TRPM3: variants seen among roughly 807,000 people sequenced by gnomAD.
The protein encoded by TRPM3 is long transient receptor potential channel 3.
A neutral mutation model predicts 181.2 loss-of-function variants in TRPM3; 77 were observed. That is an observed-to-expected ratio of 0.42 (90% confidence interval 0.35 to 0.51). The LOEUF (loss-of-function observed/expected upper bound fraction) is 0.51. Among genes scored for constraint, TRPM3 ranks in the 20% least tolerant of loss-of-function variants. The pLI is 0.01. For missense variants in TRPM3, 1,759 were observed against 2,196.7 expected (o/e 0.80, Z 3.98); for synonymous variants, 745 against 796.4 (o/e 0.94, Z 1.09).
At chr9:70,646,731 C>T (rs193214374) in intron 9 of TRPM3, among the ~76,000 whole-genome samples, 35 of 151,732 alleles carry the variant, frequency 2.3e-4, no homozygotes, top group Admixed American at 5.3e-4. Flanking sequence ...AAAAAAAAAG[C>T]AGTGGAACTA....
intron 1 of TRPM3, among the ~76,000 whole-genome samples, chr9:71,087,765 C>T (rs2065518520): frequency 6.6e-6 from 1 of 152,096 alleles, no homozygotes; most frequent in African/African-American, 2.4e-5. Context: ...TTTAGACCAA[C>T]TCTACTGGGT....
At chr9:71,093,282 T>A (rs941320438) in intron 1 of TRPM3, among the ~76,000 whole-genome samples, 14 of 151,944 alleles carry the variant, frequency 9.2e-5, no homozygotes, top group Non-Finnish European at 1.6e-4. Context: ...GAAACTATCA[T>A]CACAGTGAAT....
rs576354044 is a variant in TRPM3 at position 70,831,744 on chromosome 9, G to GA, written c.802-3727dup. Reference sequence around the variant, plus strand: ...GGTAAATACAGTAGTATGATGGGTAGAAAAAAAAATAGAATGAATAAGACC... The same window carrying GA: ...GGTAAATACAGTAGTATGATGGGTAGAAAAAAAAAATAGAATGAATAAGACC... On this transcript the variant is annotated intron_variant, in intron 5 of 25. Coordinates refer to ENST00000677713, the MANE Select transcript of TRPM3 (RefSeq NM_001366145.2). Among the ~76,000 whole-genome samples the GA allele has an allele frequency of 1.2e-4, 18 of 147,020 alleles. No homozygotes were observed. The East Asian group carries it at 2.2e-3, about 18-fold the overall frequency.
At chr9:70,577,642 A>G (rs2054390116) in intron 22 of TRPM3, among the ~76,000 whole-genome samples, 1 of 152,240 alleles carries the variant, frequency 6.6e-6, no homozygotes, top group African/African-American at 2.4e-5. Flanking sequence ...ATTCAATATA[A>G]TCTGCTTAAG....
chr9:71,026,016 C>A (rs2097893664), intron 1 of TRPM3, among the ~76,000 whole-genome samples: 1 of 152,222 alleles, frequency 6.6e-6, no homozygotes, highest in African/African-American at 2.4e-5. Context: ...GGAATCCCAG[C>A]AGGAGGAGAC....
chr9:70,942,942 C>T (rs939255888), intron 1 of TRPM3, among the ~76,000 whole-genome samples: 1 of 152,052 alleles, frequency 6.6e-6, no homozygotes, highest in Admixed American at 6.6e-5. Flanking sequence ...TAAAGATAAA[C>T]TAATGCAACA....
intron 1 of TRPM3, among the ~76,000 whole-genome samples, chr9:71,160,340 A>G (rs2076218438): frequency 6.6e-6 from 1 of 152,090 alleles, no homozygotes; most frequent in East Asian, 1.9e-4. Context: ...GCACATCATC[A>G]TCTTCTAAAA....
chr9:71,130,265 T>G (rs2074288910), intron 1 of TRPM3, among the ~76,000 whole-genome samples: 1 of 152,194 alleles, frequency 6.6e-6, no homozygotes, highest in Non-Finnish European at 1.5e-5. Flanking sequence ...AATGTGTTTT[T>G]AAGGTAACTG....
intron 21 of TRPM3, 73 bp from the exon 22 acceptor site, chr9:70,591,278 A>C: frequency 7.5e-7 from 1 of 1,337,854 alleles, no homozygotes; most frequent in Non-Finnish European, 1.1e-6. Flanking sequence ...AATTGCTGAC[A>C]ATGATGGGAA....
At chr9:71,122,460 G>GAGCAGT, upstream of TRPM3, among the ~76,000 whole-genome samples, 1 of 152,310 alleles carries the variant, frequency 6.6e-6, no homozygotes, top group East Asian at 1.9e-4. Context: ...ACCTCAGTGG[G>GAGCAGT]AGCAGTTGAC....
Position 71,421,416 on chromosome 9 carries a change from C to T in TRPM3, c.183+25237G>A, listed in dbSNP as rs140277770. The stretch of plus-strand genomic sequence containing the variant: ...AGCTTTCTTCCCTCCCTCTATTGGC[C>T]TAAAGGCAGAACATAAATTTACAAA... On this transcript the variant is annotated intron_variant, in intron 1 of 24. Transcript: ENST00000357533. Among the ~76,000 whole-genome samples the T allele has an allele frequency of 1.2e-4, 18 of 151,838 alleles. No homozygotes were observed. In the East Asian group the frequency reaches 2.9e-3, roughly 25 times the overall value.
chr9:71,175,251 G>A (rs2077048035), intron 1 of TRPM3, among the ~76,000 whole-genome samples: 1 of 152,178 alleles, frequency 6.6e-6, no homozygotes, highest in African/African-American at 2.4e-5. Context: ...AATGGCTTGT[G>A]GAGCTGCATT....
rs191846525 is a variant in TRPM3 at position 70,908,756 on chromosome 9, T to G, written c.178-44245A>C. Among the ~76,000 whole-genome samples, 4 of 152,284 alleles carry G rather than the reference T, an allele frequency of 2.6e-5. No homozygotes were observed. In the East Asian group the frequency reaches 7.7e-4, roughly 29 times the overall value. ...TAGAAAGCTACAGTAATTAAGACAGTGTGGCAGTGTCACAAAAATAGAATA... is the reference window on the plus strand; with the variant it reads ...TAGAAAGCTACAGTAATTAAGACAGGGTGGCAGTGTCACAAAAATAGAATA... On this transcript the variant is annotated intron_variant, in intron 1 of 25. Coordinates refer to ENST00000677713, the MANE Select transcript of TRPM3 (RefSeq NM_001366145.2).
intron 22 of TRPM3, among the ~76,000 whole-genome samples, chr9:70,565,556 G>T (rs891188258): frequency 6.6e-6 from 1 of 151,382 alleles, no homozygotes; most frequent in Non-Finnish European, 1.5e-5. Flanking sequence ...GCCTCCCAAA[G>T]TGCTGGGATT....
intron 6 of TRPM3, among the ~76,000 whole-genome samples, chr9:70,796,888 G>A (rs962503106): frequency 1.2e-4 from 19 of 152,280 alleles, no homozygotes; most frequent in East Asian, 1.9e-4. Flanking sequence ...CAGCACTTTG[G>A]GAGGCCTAGG....
At chr9:70,895,926 G>A (rs1288326151) in intron 1 of TRPM3, among the ~76,000 whole-genome samples, 1 of 152,064 alleles carries the variant, frequency 6.6e-6, no homozygotes, top group African/African-American at 2.4e-5. Context: ...GATAACCAGA[G>A]GTGACTCCAG....
At chr9:71,051,444 C>T (rs777700378) in intron 1 of TRPM3, among the ~76,000 whole-genome samples, 31 of 152,080 alleles carry the variant, frequency 2.0e-4, no homozygotes, top group African/African-American at 7.0e-4. Flanking sequence ...GAGGTAGCCA[C>T]GTACCCAAGG....
intron 1 of TRPM3, among the ~76,000 whole-genome samples, chr9:71,438,085 CAGAG>C (rs1400784084): frequency 6.6e-6 from 1 of 151,942 alleles, no homozygotes; most frequent in Non-Finnish European, 1.5e-5. Flanking sequence ...ATACAATGGA[CAGAG>C]AAACATCTGA....
chr9:70,700,873 C>T (rs191279394), intron 8 of TRPM3, among the ~76,000 whole-genome samples: 2 of 152,284 alleles, frequency 1.3e-5, no homozygotes, highest in East Asian at 3.9e-4. Flanking sequence ...ATATGCTAAA[C>T]GTTGTCCCAG....
Sources: gnomAD v4.1 joint callset for allele counts (sites outside exome capture counted in the v4.1 genomes callset) on GRCh38, gnomAD v4.1.1 for gene constraint, MANE v1.5 for transcripts, NCBI Gene and HGNC (gene_info 2026-07-23, HGNC 2026-07-21) for gene names.